DAB1: variants seen among roughly 807,000 people sequenced by gnomAD.
DAB1 encodes DAB adaptor protein 1.
Under a neutral mutation model 64.6 loss-of-function variants are expected in DAB1, and 15 were observed. That is an observed-to-expected ratio of 0.23 (90% confidence interval 0.16 to 0.36). The LOEUF (loss-of-function observed/expected upper bound fraction) is 0.36, where lower values mean the gene tolerates loss of function less well. Among genes scored for constraint, DAB1 ranks in the 10% least tolerant of loss-of-function variants. DAB1 has a pLI of 1.00. For missense variants in DAB1, 596 were observed against 706.7 expected (o/e 0.84, Z 1.78); for synonymous variants, 235 against 251.9 (o/e 0.93, Z 0.64).
intron 1 of DAB1, among the ~76,000 whole-genome samples, chr1:57,312,793 G>T (rs1300817267): frequency 6.6e-6 from 1 of 152,118 alleles, no homozygotes; most frequent in Non-Finnish European, 1.5e-5. Context: ...GCAGTGGCCG[G>T]TGAGCAGCAG....
chr1:57,215,831 C>G (rs1244765245), intron 2 of DAB1, among the ~76,000 whole-genome samples: 1 of 152,136 alleles, frequency 6.6e-6, no homozygotes, highest in Non-Finnish European at 1.5e-5. Context: ...TTTCTGAAAG[C>G]CCCTATTTGG....
intron 7 of DAB1, among the ~76,000 whole-genome samples, chr1:57,538,141 C>A (rs1355595858): frequency 1.3e-5 from 2 of 152,166 alleles, no homozygotes; most frequent in Non-Finnish European, 2.9e-5. Context: ...CCAACCATAG[C>A]AAGTGACCTA....
At chr1:58,204,114 T>C (rs1212993217) in intron 4 of DAB1, among the ~76,000 whole-genome samples, 1 of 152,202 alleles carries the variant, frequency 6.6e-6, no homozygotes, top group Non-Finnish European at 1.5e-5. Context: ...AGTTTTGAAC[T>C]GCCATCATTT....
intron 2 of DAB1, among the ~76,000 whole-genome samples, chr1:57,290,714 G>A (rs967409496): frequency 2.0e-5 from 3 of 151,882 alleles, no homozygotes; most frequent in South Asian, 4.2e-4. Flanking sequence ...AAATATATGT[G>A]ATCATAAAGA....
intron 7 of DAB1, among the ~76,000 whole-genome samples, chr1:57,504,169 A>G (rs1256977021): frequency 6.6e-6 from 1 of 152,224 alleles, no homozygotes; most frequent in Non-Finnish European, 1.5e-5. Context: ...TTAAAACTCC[A>G]TAATGAATTC....
At chr1:58,150,177 A>G (rs1654840791) in intron 5 of DAB1, among the ~76,000 whole-genome samples, 1 of 152,206 alleles carries the variant, frequency 6.6e-6, no homozygotes, top group Admixed American at 6.5e-5. Context: ...CATACTTAAT[A>G]GCCAGGAAGT....
At chr1:57,379,604 C>T (rs1373330606) in intron 1 of DAB1, among the ~76,000 whole-genome samples, 1 of 152,198 alleles carries the variant, frequency 6.6e-6, no homozygotes, top group African/African-American at 2.4e-5. Flanking sequence ...AGGTTGGAAC[C>T]TGCCAGCCAG....
chr1:58,332,709 T>C (rs1662999786), intron 4 of DAB1, among the ~76,000 whole-genome samples: 1 of 152,044 alleles, frequency 6.6e-6, no homozygotes, highest in Non-Finnish European at 1.5e-5. Context: ...GATAATCAAA[T>C]ACAATCAGGA....
chr1:58,264,402 G>C (rs1265061728), intron 4 of DAB1, among the ~76,000 whole-genome samples: 1 of 152,144 alleles, frequency 6.6e-6, no homozygotes, highest in African/African-American at 2.4e-5. Context: ...TCCATAAATA[G>C]ATATAGCCAT....
chr1:57,943,043 C>T (rs1189155254), intron 5 of DAB1, among the ~76,000 whole-genome samples: 7 of 152,228 alleles, frequency 4.6e-5, no homozygotes, highest in African/African-American at 1.7e-4. Context: ...TACTACCATC[C>T]TTATTATACA....
chr1:57,896,218 A>G (rs1644389312), intron 5 of DAB1, among the ~76,000 whole-genome samples: 1 of 152,136 alleles, frequency 6.6e-6, no homozygotes, highest in Admixed American at 6.6e-5. Flanking sequence ...CAAGGGTGAT[A>G]TTATCTATGC....
chr1:58,065,059 A>C (rs962688609), intron 5 of DAB1, among the ~76,000 whole-genome samples: 1 of 152,310 alleles, frequency 6.6e-6, no homozygotes, highest in African/African-American at 2.4e-5. Flanking sequence ...GTACTATGCT[A>C]CCTAAGCCAG....
intron 1 of DAB1, among the ~76,000 whole-genome samples, chr1:57,393,041 A>G (rs1455239827): frequency 1.3e-5 from 2 of 152,242 alleles, no homozygotes; most frequent in African/African-American, 2.4e-5. Context: ...TATTTTTTAA[A>G]TGAAAGTAAA....
At chr1:57,336,454 C>T (rs138202565) in intron 1 of DAB1, among the ~76,000 whole-genome samples, 13 of 152,312 alleles carry the variant, frequency 8.5e-5, no homozygotes, top group Non-Finnish European at 1.9e-4. Context: ...CCCAAGTATG[C>T]TAATGTTACC....
chr1:57,221,442 A>G (rs1569944496), intron 2 of DAB1, among the ~76,000 whole-genome samples: 3 of 142,506 alleles, frequency 2.1e-5, no homozygotes, highest in East Asian at 2.0e-4. Context: ...ATGTGGCATT[A>G]CAAAAAAAAA....
intron 4 of DAB1, among the ~76,000 whole-genome samples, chr1:58,288,038 A>AAAAAAAG (rs1661731744): frequency 2.4e-5 from 3 of 122,658 alleles, no homozygotes; most frequent in Non-Finnish European, 5.0e-5. Flanking sequence ...AAAAAAAAAA[A>AAAAAAAG]AAAAAAAGAA....
chr1:57,297,159 A>T, intron 1 of DAB1, among the ~76,000 whole-genome samples: 1 of 152,178 alleles, frequency 6.6e-6, no homozygotes, highest in East Asian at 1.9e-4. Flanking sequence ...TGAAAATGTA[A>T]TAAAAGACAA....
At chr1:58,154,633 G>A (rs539778765) in intron 4 of DAB1, among the ~76,000 whole-genome samples, 3 of 152,238 alleles carry the variant, frequency 2.0e-5, no homozygotes, top group East Asian at 3.9e-4. Flanking sequence ...GACTAAAGGA[G>A]GGTGACTGGC....
chr1:57,555,339 T>C (rs940400624), intron 7 of DAB1, among the ~76,000 whole-genome samples: 1 of 151,650 alleles, frequency 6.6e-6, no homozygotes, highest in Non-Finnish European at 1.5e-5. Flanking sequence ...GGCCGGTATC[T>C]TTTTTCTTTT....
Sources: gnomAD v4.1 joint callset for allele counts (sites outside exome capture counted in the v4.1 genomes callset) on GRCh38, gnomAD v4.1.1 for gene constraint, MANE v1.5 for transcripts, NCBI Gene and HGNC (gene_info 2026-07-23, HGNC 2026-07-21) for gene names.